Variants in NR5A2 observed in about 807,000 individuals in gnomAD.
The protein encoded by NR5A2 is nuclear receptor subfamily 5 group A member 2.
A neutral mutation model predicts 62.7 loss-of-function variants in NR5A2; 26 were observed. That is an observed-to-expected ratio of 0.41 (90% CI 0.30 to 0.58). The LOEUF is 0.58. NR5A2 is among the 20% of genes least tolerant of loss of function. The probability of loss-of-function intolerance (pLI) is 0.22; values close to 1 mark genes in which losing one functional copy is unlikely to be tolerated. For missense variants in NR5A2, 541 were observed against 669.1 expected, an observed-to-expected ratio of 0.81 and a Z score of 2.11; for synonymous variants, 246 against 241.7, an observed-to-expected ratio of 1.02 and a Z score of -0.16.
intron 5 of NR5A2, among the ~76,000 whole-genome samples, chr1:200,098,529 G>C (rs1665207697): frequency 6.6e-6 from 1 of 152,224 alleles, no homozygotes. Flanking sequence ...AAGAGGCATA[G>C]TGAAAGAGCA....
chr1:200,052,175 C>T (rs1013718350), intron 5 of NR5A2, among the ~76,000 whole-genome samples: 10 of 152,144 alleles, frequency 6.6e-5, no homozygotes, highest in East Asian at 5.8e-4. Context: ...CATCCATTGG[C>T]GTTGCCTACC....
At chr1:200,091,563 C>A (rs1314443181) in intron 5 of NR5A2, among the ~76,000 whole-genome samples, 1 of 150,288 alleles carries the variant, frequency 6.7e-6, no homozygotes, top group Non-Finnish European at 1.5e-5. Context: ...CGGCTCACTG[C>A]AACCTCTACC....
chr1:200,060,179 TCTTA>T (rs1395873019), intron 5 of NR5A2, among the ~76,000 whole-genome samples: 2 of 152,204 alleles, frequency 1.3e-5, no homozygotes, highest in Non-Finnish European at 1.5e-5. Flanking sequence ...CTTTTTCTTT[TCTTA>T]CTTCATTAAC....
At chr1:200,136,223 CTT>C (rs1015637570) in intron 7 of NR5A2, among the ~76,000 whole-genome samples, 7 of 145,266 alleles carry the variant, frequency 4.8e-5, no homozygotes, top group Non-Finnish European at 1.5e-5. Context: ...TTTTTTCTTT[CTT>C]TTTTTTTTTT....
At chr1:200,082,406 G>GT (rs935387185) in intron 5 of NR5A2, among the ~76,000 whole-genome samples, 5 of 152,146 alleles carry the variant, frequency 3.3e-5, no homozygotes, top group African/African-American at 1.2e-4. Flanking sequence ...CACATTAGGT[G>GT]TTTTGCATCA....
intron 7 of NR5A2, among the ~76,000 whole-genome samples, chr1:200,173,709 A>T (rs1260646649): frequency 6.6e-6 from 1 of 152,178 alleles, no homozygotes; most frequent in Non-Finnish European, 1.5e-5. Flanking sequence ...AAAAGAGTTG[A>T]CCTTGCTCAA....
chr1:200,051,404 T>C (rs750533581), intron 5 of NR5A2, among the ~76,000 whole-genome samples: 2 of 152,226 alleles, frequency 1.3e-5, no homozygotes, highest in Non-Finnish European at 2.9e-5. Context: ...GTGACTTCTT[T>C]ATATAGCATG....
chr1:200,052,848 G>A (rs915476652), intron 5 of NR5A2, among the ~76,000 whole-genome samples: 2 of 152,012 alleles, frequency 1.3e-5, no homozygotes, highest in Non-Finnish European at 2.9e-5. Context: ...CACCGTGTTA[G>A]CCAGGATGGT....
At chr1:200,053,121 A>T (rs1159630687) in intron 5 of NR5A2, among the ~76,000 whole-genome samples, 2 of 150,438 alleles carry the variant, frequency 1.3e-5, no homozygotes, top group Non-Finnish European at 2.9e-5. Context: ...AAAGATTGGA[A>T]TGAAAAAGAA....
At chr1:200,163,760 G>A (rs972065072) in intron 7 of NR5A2, among the ~76,000 whole-genome samples, 6 of 152,270 alleles carry the variant, frequency 3.9e-5, no homozygotes, top group African/African-American at 9.6e-5. Context: ...GATTACAAGC[G>A]TGAGCCACTG....
intron 5 of NR5A2, among the ~76,000 whole-genome samples, chr1:200,069,939 A>G (rs1398696861): frequency 6.6e-6 from 1 of 152,196 alleles, no homozygotes; most frequent in East Asian, 1.9e-4. Context: ...AGGATGTTAG[A>G]GATATTTTTA....
chr1:200,049,416 G>A (rs1402466684), intron 5 of NR5A2, among the ~76,000 whole-genome samples: 2 of 152,326 alleles, frequency 1.3e-5, no homozygotes, highest in African/African-American at 4.8e-5. Flanking sequence ...GGCAAATGGT[G>A]AGTGCTAGTT....
Position 200,039,458 on chromosome 1 carries a change from C to T in NR5A2, c.65-200C>T, listed in dbSNP as rs1293919830. On this transcript the variant is annotated intron_variant, in intron 1 of 7. Transcript: ENST00000367362. The surrounding 1 kb of genome is among the most constrained non-coding windows in gnomAD (Gnocchi z 5.1). Reference sequence around the variant, plus strand: ...GGCCGGGACGCTGTCTTCCTCGCCTCCTTTTTTAACCCTGACCTCCTCCTC... The same window carrying T: ...GGCCGGGACGCTGTCTTCCTCGCCTTCTTTTTTAACCCTGACCTCCTCCTC... 6.6e-6 allele frequency among the ~76,000 whole-genome samples: 1 copy of T among 152,104 alleles called. No individual in the cohort carries two copies. Among genetic ancestry groups the T allele is most frequent in the Non-Finnish European group, 1.5e-5 (1 of 68,000 alleles).
At chr1:200,133,526 T>TATATATATATATATATAC (rs1416690757) in intron 7 of NR5A2, among the ~76,000 whole-genome samples, 10 of 87,412 alleles carry the variant, frequency 1.1e-4, no homozygotes, top group African/African-American at 1.9e-4. Context: ...TATATATATA[T>TATATATATATATATATAC]ACACACACAT....
intron 5 of NR5A2, among the ~76,000 whole-genome samples, chr1:200,095,804 G>A (rs190735079): frequency 1.3e-3 from 195 of 152,170 alleles, no homozygotes; most frequent in Admixed American, 1.7e-3. Flanking sequence ...TGCCCGCCTT[G>A]GCCTCCCAAA....
At chr1:200,087,673 G>A (rs1300127913) in intron 5 of NR5A2, among the ~76,000 whole-genome samples, 1 of 152,098 alleles carries the variant, frequency 6.6e-6, no homozygotes, top group Non-Finnish European at 1.5e-5. Flanking sequence ...GGGATTACAG[G>A]AGTGAGCCAC....
chr1:200,088,364 T>C (rs911314125), intron 5 of NR5A2, among the ~76,000 whole-genome samples: 1 of 152,084 alleles, frequency 6.6e-6, no homozygotes, highest in Non-Finnish European at 1.5e-5. Context: ...TTCAAGTGAT[T>C]CTCCTGCCTC....
intron 5 of NR5A2, among the ~76,000 whole-genome samples, chr1:200,077,334 C>T (rs1043236600): frequency 6.6e-6 from 1 of 152,166 alleles, no homozygotes; most frequent in Non-Finnish European, 1.5e-5. Flanking sequence ...AAGCAAATTC[C>T]GGAGTTTCAG....
chr1:200,114,632 G>A (rs191160461), intron 6 of NR5A2, among the ~76,000 whole-genome samples: 1 of 152,176 alleles, frequency 6.6e-6, no homozygotes, highest in African/African-American at 2.4e-5. Context: ...GGAATTACAG[G>A]AAGTATTCTG....
Sources: gnomAD v4.1 joint callset for allele counts (sites outside exome capture counted in the v4.1 genomes callset) on GRCh38, gnomAD v4.1.1 for gene constraint, Gnocchi (gnomAD v3.1) non-coding constraint, MANE v1.5 for transcripts, NCBI Gene and HGNC (gene_info 2026-07-23, HGNC 2026-07-21) for gene names.